The following ARHGAP15 variants were observed in gnomAD, a reference collection of about 807,000 sequenced individuals.
ARHGAP15 encodes the protein Rho GTPase activating protein 15, also known as rho GTPase-activating protein 15.
A neutral mutation model predicts 63.7 loss-of-function variants in ARHGAP15; 51 were observed. The observed-to-expected ratio is 0.80, with a 90% CI of 0.64 to 1.01. The LOEUF is 1.01. Among genes scored for constraint, ARHGAP15 ranks in the 50% least tolerant of loss-of-function variants. The pLI is 0.00. For missense variants in ARHGAP15, 560 were observed against 564.6 expected, an observed-to-expected ratio of 0.99 and a Z score of 0.08; for synonymous variants, 191 against 193.8, an observed-to-expected ratio of 0.99 and a Z score of 0.12.
chr2:143,356,282 A>G (rs1333344463), intron 6 of ARHGAP15, among the ~76,000 whole-genome samples: 2 of 152,134 alleles, frequency 1.3e-5, no homozygotes, highest in Admixed American at 6.5e-5. Flanking sequence ...TGTTGTACAC[A>G]CTGCAATGCT....
At chr2:143,224,968 C>T (rs752046698) in intron 4 of ARHGAP15, among the ~76,000 whole-genome samples, 1 of 152,182 alleles carries the variant, frequency 6.6e-6, no homozygotes, top group Non-Finnish European at 1.5e-5. Context: ...ACCGCATGTT[C>T]TCACTCATAA....
chr2:143,422,874 CAAG>C (rs1323526519), intron 6 of ARHGAP15, among the ~76,000 whole-genome samples: 1 of 151,976 alleles, frequency 6.6e-6, no homozygotes, highest in Non-Finnish European at 1.5e-5. Flanking sequence ...AAGCCGGAAG[CAAG>C]AAGAGGATAC....
rs1318272993 is a variant in ARHGAP15 at position 143,228,573 on chromosome 2, G to T, written c.297-8G>T. Reference sequence around the variant, plus strand: ...TGCTTTCTTTCCCTTTTATTTTTTTGTCCTAAGGAAAAACTGGTCTACTTC... The same window carrying T: ...TGCTTTCTTTCCCTTTTATTTTTTTTTCCTAAGGAAAAACTGGTCTACTTC... On this transcript the variant is annotated splice_polypyrimidine_tract_variant and splice_region_variant and intron_variant, in intron 4 of 13. Coordinates refer to ENST00000295095, the MANE Select transcript of ARHGAP15 (RefSeq NM_018460.4). The T allele has an allele frequency of 1.9e-6, 3 of 1,581,280 alleles. No homozygotes were observed. Among genetic ancestry groups the T allele is most frequent in the African/African-American group, 1.4e-5 (1 of 73,386 alleles).
intron 2 of ARHGAP15, among the ~76,000 whole-genome samples, chr2:143,186,415 G>A (rs1057235399): frequency 6.6e-5 from 10 of 152,014 alleles, no homozygotes; most frequent in Admixed American, 2.0e-4. Context: ...TACAAAATTC[G>A]TTTATATTAA....
At chr2:143,703,654 G>A (rs1466695445) in intron 13 of ARHGAP15, 130 bp downstream of exon 13, 17 of 651,542 alleles carry the variant, frequency 2.6e-5, no homozygotes, top group Non-Finnish European at 4.3e-5. Flanking sequence ...AGCTGAACTA[G>A]GTCTTTCTGC....
At position 143,348,463 on chromosome 2, in the gene ARHGAP15, TA is replaced by T. The variant is rs372310127; in HGVS notation, c.475-87129del. 5.2e-3 allele frequency among the ~76,000 whole-genome samples: 793 copies of T among 151,656 alleles called. 7 individuals are homozygous for T. The highest frequency in any genetic ancestry group is 0.018 in the African/African-American group (757 of 41,414). On this transcript the variant is annotated intron_variant, in intron 6 of 13. Coordinates refer to ENST00000295095, the MANE Select transcript of ARHGAP15 (RefSeq NM_018460.4). ...AATTGCACTTGCCTATTTTCAGGAT[TA>T]AAAAAAAACTGTTATTTTCAATTGT...
chr2:143,627,807 A>T (rs1442463492), intron 12 of ARHGAP15, among the ~76,000 whole-genome samples: 1 of 151,978 alleles, frequency 6.6e-6, no homozygotes, highest in Admixed American at 6.6e-5. Context: ...TATATTTTGC[A>T]GATGCTGTTT....
chr2:143,612,009 CT>C (rs1244867952), intron 11 of ARHGAP15, among the ~76,000 whole-genome samples: 6 of 152,046 alleles, frequency 3.9e-5, no homozygotes, highest in African/African-American at 2.4e-5. Flanking sequence ...ATTCCTACTT[CT>C]CACCTCTCAA....
chr2:143,142,963 T>A (rs1422281664), intron 1 of ARHGAP15, among the ~76,000 whole-genome samples: 1 of 152,162 alleles, frequency 6.6e-6, no homozygotes, highest in Non-Finnish European at 1.5e-5. Flanking sequence ...ATACTCTAAA[T>A]ATTTATGCAT....
chr2:143,581,681 G>C (rs1696914804), intron 11 of ARHGAP15, among the ~76,000 whole-genome samples: 1 of 152,084 alleles, frequency 6.6e-6, no homozygotes, highest in Non-Finnish European at 1.5e-5. Flanking sequence ...TAAATAAATA[G>C]GTCTTAAATG....
chr2:143,657,296 G>T (rs1046980977), intron 12 of ARHGAP15, among the ~76,000 whole-genome samples: 3 of 152,150 alleles, frequency 2.0e-5, no homozygotes, highest in Non-Finnish European at 4.4e-5. Context: ...GCAGTGAGCC[G>T]AGATCGCGCC....
intron 6 of ARHGAP15, chr2:143,435,264 G>A (rs1689560210): frequency 1.0e-6 from 1 of 1,001,448 alleles, no homozygotes; most frequent in Non-Finnish European, 1.2e-6. Context: ...ACACCCGGGT[G>A]CATTTTTCTG....
At chr2:143,736,470 G>A (rs990744091) in intron 13 of ARHGAP15, among the ~76,000 whole-genome samples, 4 of 151,904 alleles carry the variant, frequency 2.6e-5, no homozygotes, top group East Asian at 1.9e-4. Flanking sequence ...AGGAGATAAG[G>A]CTTTGGAATT....
At chr2:143,505,306 C>G (rs1160602505) in intron 9 of ARHGAP15, among the ~76,000 whole-genome samples, 20 of 152,180 alleles carry the variant, frequency 1.3e-4, no homozygotes, top group Admixed American at 1.3e-3. Flanking sequence ...GGAAACATAA[C>G]TGTCAAGCAT....
At chr2:143,719,212 AT>A (rs1479125356) in intron 13 of ARHGAP15, among the ~76,000 whole-genome samples, 2 of 152,144 alleles carry the variant, frequency 1.3e-5, no homozygotes, top group Non-Finnish European at 2.9e-5. Flanking sequence ...CCCTATATCA[AT>A]TTTGTACATT....
At chr2:143,307,362 C>T (rs1683221388) in intron 6 of ARHGAP15, among the ~76,000 whole-genome samples, 1 of 152,046 alleles carries the variant, frequency 6.6e-6, no homozygotes, top group South Asian at 2.1e-4. Context: ...GGCATTTATG[C>T]CAAGGGGTTA....
At chr2:143,161,909 A>T (rs944801626) in intron 2 of ARHGAP15, among the ~76,000 whole-genome samples, 1 of 151,916 alleles carries the variant, frequency 6.6e-6, no homozygotes, top group Admixed American at 6.6e-5. Context: ...GCTCACCTAG[A>T]TCACCCAAAG....
intron 6 of ARHGAP15, among the ~76,000 whole-genome samples, chr2:143,434,487 G>A (rs1481939892): frequency 6.6e-6 from 1 of 152,036 alleles, no homozygotes; most frequent in Non-Finnish European, 1.5e-5. Context: ...GGTAGTAATT[G>A]TCACTTTAAT....
chr2:143,539,488 A>T (rs1052636256), intron 10 of ARHGAP15, among the ~76,000 whole-genome samples: 1 of 151,660 alleles, frequency 6.6e-6, no homozygotes, highest in African/African-American at 2.4e-5. Flanking sequence ...TCAATTTTAG[A>T]TCTTTCCTGC....
Sources: allele counts gnomAD v4.1 joint callset (sites outside exome capture counted in the v4.1 genomes callset), GRCh38; gene constraint gnomAD v4.1.1; transcripts MANE v1.5; gene names NCBI Gene and HGNC (gene_info 2026-07-23, HGNC 2026-07-21).